DIAPH2: variants seen among roughly 807,000 people sequenced by gnomAD.
DIAPH2 encodes protein diaphanous homolog 2.
A neutral mutation model predicts 92.7 loss-of-function variants in DIAPH2; 35 were observed. The observed-to-expected ratio is 0.38, with a 90% confidence interval of 0.29 to 0.50. The LOEUF is 0.50. Among genes scored for constraint, DIAPH2 ranks in the 20% least tolerant of loss-of-function variants. The pLI, the probability that DIAPH2 is intolerant of heterozygous loss-of-function variation, is 0.94. For synonymous variants in DIAPH2, 301 were observed against 280.4 expected (o/e 1.07, Z -0.73); for missense variants, 701 against 819.5 (o/e 0.86, Z 1.77).
chrX:96,782,323 G>C (rs180937674), intron 4 of DIAPH2, among the ~76,000 whole-genome samples: 264 of 109,448 alleles, frequency 2.4e-3, no homozygotes, highest in African/African-American at 8.2e-3. Flanking sequence ...ACGGAGTCTC[G>C]CTCTGTCACC....
intron 21 of DIAPH2, among the ~76,000 whole-genome samples, chrX:97,133,798 C>A (rs2067153689): frequency 8.9e-6 from 1 of 112,156 alleles, no homozygotes; most frequent in Admixed American, 9.5e-5. Context: ...ATGAAGCTTC[C>A]TTCCTTGATT....
chrX:96,778,482 C>A (rs1453462667), intron 4 of DIAPH2, among the ~76,000 whole-genome samples: 1 of 110,738 alleles, frequency 9.0e-6, no homozygotes, highest in African/African-American at 3.3e-5. Context: ...AATACTTAAG[C>A]ATGTCTCTCT....
intron 25 of DIAPH2, among the ~76,000 whole-genome samples, chrX:97,414,624 A>T (rs1323185950): frequency 9.7e-6 from 1 of 103,281 alleles, no homozygotes; most frequent in African/African-American, 3.6e-5. Context: ...ACTGTACTCC[A>T]GCCTGGGCGA....
intron 5 of DIAPH2, among the ~76,000 whole-genome samples, chrX:96,888,525 A>C (rs2065280610): frequency 9.7e-6 from 1 of 103,373 alleles, no homozygotes; most frequent in South Asian, 4.1e-4. Flanking sequence ...AGATACATAT[A>C]TCTATATATA....
chrX:97,243,075 C>T (rs2068110562), intron 22 of DIAPH2, among the ~76,000 whole-genome samples: 1 of 110,615 alleles, frequency 9.0e-6, no homozygotes, highest in African/African-American at 3.3e-5. Context: ...CTTGAGCCAC[C>T]GCACCTGGCC....
chrX:96,851,705 G>A (rs1030890645), intron 4 of DIAPH2, among the ~76,000 whole-genome samples: 1 of 111,950 alleles, frequency 8.9e-6, no homozygotes, highest in African/African-American at 3.2e-5. Flanking sequence ...TCTGCAACTG[G>A]CTGAATCCAT....
intron 1 of DIAPH2, among the ~76,000 whole-genome samples, chrX:96,723,398 G>A (rs1404006138): frequency 9.0e-6 from 1 of 111,570 alleles, no homozygotes; most frequent in South Asian, 3.7e-4. Context: ...GAAATAAGTG[G>A]CTGTCTCTCT....
intron 25 of DIAPH2, among the ~76,000 whole-genome samples, chrX:97,424,800 T>C (rs1454574823): frequency 1.8e-5 from 2 of 110,210 alleles, no homozygotes; most frequent in African/African-American, 6.6e-5. Context: ...TTCTTTTGTA[T>C]TTTTTGTAAA....
At chrX:97,255,826 G>A (rs1333647675) in intron 23 of DIAPH2, among the ~76,000 whole-genome samples, 3 of 111,971 alleles carry the variant, frequency 2.7e-5, no homozygotes, top group African/African-American at 6.5e-5. Context: ...TTAAGGGTCC[G>A]TTAGCACAAA....
rs1343144368 is a variant in DIAPH2, at chrX:97,281,675, C to T, written c.2844+33836C>T. Among the ~76,000 whole-genome samples the T allele has an allele frequency of 3.7e-5, 4 of 107,891 alleles. No homozygotes were observed. The South Asian group carries it at 1.2e-3, about 33-fold the overall frequency. 93.7% of individuals were successfully genotyped at this position (107,891 alleles called of 115,157 possible). ...AGGAGAATCGCTTGAACCCAGGAGGCGGAGGTTGCAGTGAGCCAAGACCGC... is the reference window on the plus strand; with the variant it reads ...AGGAGAATCGCTTGAACCCAGGAGGTGGAGGTTGCAGTGAGCCAAGACCGC... On this transcript the variant is annotated intron_variant, in intron 23 of 26. Transcript: ENST00000324765.
chrX:96,889,647 A>C (rs2065293831), intron 5 of DIAPH2, among the ~76,000 whole-genome samples: 1 of 111,925 alleles, frequency 8.9e-6, no homozygotes, highest in Non-Finnish European at 1.9e-5. Context: ...ATTCCAGTAC[A>C]GGAATTCAGA....
chrX:96,771,912 C>T (rs1000727795), intron 4 of DIAPH2, among the ~76,000 whole-genome samples: 1 of 110,281 alleles, frequency 9.1e-6, no homozygotes, highest in African/African-American at 3.3e-5. Flanking sequence ...GTGGCACACT[C>T]CTGTAGTCCA....
chrX:96,900,682 A>C (rs373842192), intron 5 of DIAPH2, among the ~76,000 whole-genome samples: 4 of 111,770 alleles, frequency 3.6e-5, no homozygotes, highest in African/African-American at 1.3e-4. Context: ...GATTTTATCA[A>C]ATGCTCTTTC....
At chrX:97,583,224 C>A (rs1220713163) in intron 26 of DIAPH2, among the ~76,000 whole-genome samples, 2 of 112,111 alleles carry the variant, frequency 1.8e-5, no homozygotes, top group African/African-American at 6.5e-5. Context: ...TGAGGAGCTG[C>A]GTTCCTTTGG....
At chrX:97,181,139 G>A (rs996595853) in intron 22 of DIAPH2, among the ~76,000 whole-genome samples, 5 of 108,912 alleles carry the variant, frequency 4.6e-5, no homozygotes, top group African/African-American at 1.7e-4. Context: ...GTGTGATCTC[G>A]GCTCACCACG....
intron 4 of DIAPH2, among the ~76,000 whole-genome samples, chrX:96,825,974 T>C (rs970277474): frequency 2.7e-5 from 3 of 112,021 alleles, no homozygotes; most frequent in African/African-American, 6.5e-5. Flanking sequence ...TTAAAAAATA[T>C]AATTCTTTTA....
chrX:97,123,356 T>C (rs2067070425), intron 21 of DIAPH2, among the ~76,000 whole-genome samples: 1 of 112,171 alleles, frequency 8.9e-6, no homozygotes, highest in African/African-American at 3.2e-5. Context: ...TTTCCTACAC[T>C]TTTTCATGTA....
intron 4 of DIAPH2, among the ~76,000 whole-genome samples, chrX:96,787,865 CTT>C (rs200553222): frequency 1.9e-4 from 19 of 98,054 alleles, no homozygotes; most frequent in Admixed American, 1.0e-3. Context: ...TAATTTTTTT[CTT>C]TTTTTTTTTT....
At chrX:96,761,688 G>C (rs1184657571) in intron 4 of DIAPH2, among the ~76,000 whole-genome samples, 1 of 111,137 alleles carries the variant, frequency 9.0e-6, no homozygotes, top group Non-Finnish European at 1.9e-5. Flanking sequence ...CCATATTCTG[G>C]TTGTTTCACT....
Sources: allele counts gnomAD v4.1 joint callset (sites outside exome capture counted in the v4.1 genomes callset), GRCh38; gene constraint gnomAD v4.1.1; transcripts MANE v1.5; gene names NCBI Gene and HGNC (gene_info 2026-07-23, HGNC 2026-07-21).